LPP: variants seen among roughly 807,000 people sequenced by gnomAD.
LPP encodes lipoma-preferred partner.
A neutral mutation model predicts 60.4 loss-of-function variants in LPP; 38 were observed. That is an observed-to-expected ratio of 0.63 (90% CI 0.49 to 0.83). LPP has a LOEUF of 0.83. Ranked by LOEUF, LPP falls within the 40% of genes least tolerant of loss-of-function variation. The pLI is 0.00. For synonymous variants in LPP, 328 were observed against 290.8 expected, an observed-to-expected ratio of 1.13 and a Z score of -1.30; for missense variants, 902 against 783.6, an observed-to-expected ratio of 1.15 and a Z score of -1.80.
chr3:188,398,278 T>A (rs1781431571), intron 3 of LPP, among the ~76,000 whole-genome samples: 1 of 152,212 alleles, frequency 6.6e-6, no homozygotes, highest in African/African-American at 2.4e-5. Flanking sequence ...ATCTTTAGTG[T>A]ACAGATAGGA....
In LPP at chr3:188,888,960, G is replaced by T. The variant is rs1301677620; in HGVS notation, c.*14481G>T. 1.4e-5 allele frequency: 3 copies of T among 217,284 alleles called. No homozygotes were observed. The highest frequency in any genetic ancestry group is 2.8e-5 in the Non-Finnish European group (3 of 107,930). 13.5% of individuals were successfully genotyped at this position (217,284 alleles called of 1,614,324 possible). ...CATTGAAACATTTAGGGAAAAAAAA[G>T]ATGTTTAAGAGAATTAATAGAGCCG... On this transcript the variant is annotated 3_prime_UTR_variant, in exon 12 of 12. Coordinates refer to ENST00000617246, the MANE Select transcript of LPP (RefSeq NM_001375462.1).
intron 5 of LPP, among the ~76,000 whole-genome samples, chr3:188,523,651 C>T (rs901786166): frequency 2.0e-5 from 3 of 152,044 alleles, no homozygotes; most frequent in African/African-American, 7.3e-5. Context: ...TTTTTCTAAA[C>T]TCTTTTGCAG....
chr3:188,158,219 G>A (rs1200848439), intron 1 of LPP, among the ~76,000 whole-genome samples: 2 of 152,120 alleles, frequency 1.3e-5, no homozygotes, highest in Admixed American at 6.6e-5. Context: ...GTTCATTGGT[G>A]GGTGGGACTT....
At chr3:188,171,518 A>G (rs892721005) in intron 1 of LPP, among the ~76,000 whole-genome samples, 2 of 152,188 alleles carry the variant, frequency 1.3e-5, no homozygotes, top group Non-Finnish European at 2.9e-5. Context: ...AACCTCCCAA[A>G]GACAAATGAT....
intron 6 of LPP, among the ~76,000 whole-genome samples, chr3:188,602,535 G>A (rs1006062400): frequency 6.6e-6 from 1 of 151,782 alleles, no homozygotes; most frequent in Non-Finnish European, 1.5e-5. Flanking sequence ...TACCTGATAT[G>A]AATCCCTAAT....
intron 9 of LPP, among the ~76,000 whole-genome samples, chr3:188,858,569 T>G (rs901446277): frequency 9.9e-5 from 15 of 152,108 alleles, no homozygotes; most frequent in African/African-American, 2.9e-4. Context: ...GTAATTTACT[T>G]TGTGAAGAAT....
chr3:188,334,422 C>CT (rs71167095), intron 2 of LPP, among the ~76,000 whole-genome samples: 32,384 of 98,798 alleles, frequency 0.33, 6,200 homozygotes, highest in East Asian at 0.62. Context: ...ATATTTCTTT[C>CT]TTTTTTTTTT....
chr3:188,684,554 T>C (rs1417711856), intron 7 of LPP, among the ~76,000 whole-genome samples: 2 of 152,204 alleles, frequency 1.3e-5, no homozygotes, highest in Admixed American at 6.5e-5. Flanking sequence ...AGAGGGGCTG[T>C]CCAGGTCTTA....
chr3:188,250,563 C>G (rs1728755916), intron 2 of LPP, among the ~76,000 whole-genome samples: 1 of 152,092 alleles, frequency 6.6e-6, no homozygotes, highest in Non-Finnish European at 1.5e-5. Context: ...TTTCCTAAAC[C>G]AGCATTTACT....
intron 2 of LPP, among the ~76,000 whole-genome samples, chr3:188,236,258 A>G (rs753078803): frequency 1.3e-5 from 2 of 152,204 alleles, no homozygotes; most frequent in African/African-American, 2.4e-5. Context: ...AAAGGCATGA[A>G]GAGTAGGGAG....
chr3:188,774,868 A>G (rs1396587206), intron 9 of LPP, among the ~76,000 whole-genome samples: 1 of 152,138 alleles, frequency 6.6e-6, no homozygotes, highest in African/African-American at 2.4e-5. Context: ...CAAAGGCCCC[A>G]TATACACATA....
At chr3:188,563,462 G>GTGTGTGTGTGTGTGTT (rs1831254240) in intron 6 of LPP, among the ~76,000 whole-genome samples, 2 of 62,520 alleles carry the variant, frequency 3.2e-5, no homozygotes, top group Non-Finnish European at 6.7e-5. Context: ...ACATATATAT[G>GTGTGTGTGTGTGTGTT]TGTGTGTGTG....
At chr3:188,762,643 G>A (rs927359974) in intron 9 of LPP, among the ~76,000 whole-genome samples, 13 of 152,142 alleles carry the variant, frequency 8.5e-5, no homozygotes, top group Non-Finnish European at 1.5e-4. Context: ...TCTGTAGGAT[G>A]CCAGCCCCTT....
chr3:188,783,949 T>C (rs943570736), intron 9 of LPP, among the ~76,000 whole-genome samples: 2 of 152,242 alleles, frequency 1.3e-5, no homozygotes, highest in South Asian at 2.1e-4. Flanking sequence ...CAATAGGTTA[T>C]TGGGGGCACA....
At chr3:188,792,826 C>T (rs530617149) in intron 9 of LPP, among the ~76,000 whole-genome samples, 35 of 152,230 alleles carry the variant, frequency 2.3e-4, no homozygotes, top group African/African-American at 8.4e-4. Flanking sequence ...TACTGGGAGG[C>T]ACTGCATTTA....
chr3:188,785,720 A>T (rs1463018754), intron 9 of LPP, among the ~76,000 whole-genome samples: 1 of 151,578 alleles, frequency 6.6e-6, no homozygotes, highest in African/African-American at 2.4e-5. Context: ...CTGGGTAGAT[A>T]CCCAGTAGTG....
Position 188,879,629 on chromosome 3 carries a change from A to ATT in LPP, c.*5159_*5160dup. 5.5e-6 allele frequency: 1 copy of ATT among 180,926 alleles called. No homozygotes were observed. The allele number at this position is 180,926 out of a possible 1,614,324, so 11.2% of individuals were successfully genotyped here. ...GTAATCTTTCAAAGACTAGGTTAAG[A>ATT]TTTTTTTTTTAAGTCTGAAGCAATG... On this transcript the variant is annotated 3_prime_UTR_variant, in exon 12 of 12. Coordinates refer to ENST00000617246, the MANE Select transcript of LPP (RefSeq NM_001375462.1).
chr3:188,760,433 T>TGC, intron 9 of LPP, 151 bp downstream of exon 9: 1 of 730,128 alleles, frequency 1.4e-6, no homozygotes, highest in African/African-American at 1.8e-5. Flanking sequence ...TGTGTGTGTG[T>TGC]GTGCGTGCGC....
At chr3:188,769,409 C>T (rs1052325963) in intron 9 of LPP, among the ~76,000 whole-genome samples, 1 of 152,180 alleles carries the variant, frequency 6.6e-6, no homozygotes, top group Admixed American at 6.5e-5. Context: ...CATCCTTGCA[C>T]GTTCCAAGGC....
Sources: gnomAD v4.1 joint callset for allele counts (sites outside exome capture counted in the v4.1 genomes callset) on GRCh38, gnomAD v4.1.1 for gene constraint, MANE v1.5 for transcripts, NCBI Gene and HGNC (gene_info 2026-07-23, HGNC 2026-07-21) for gene names.